Variants in HORMAD2 observed in about 807,000 individuals in gnomAD.
The protein encoded by HORMAD2 is HORMA domain containing 2, also known as HORMA domain-containing protein 2.
In HORMAD2, 45 loss-of-function variants were observed where a neutral mutation model predicts 38.8. The ratio of observed to expected loss-of-function variants is 1.16; its 90% CI spans 0.91 to 1.49. The LOEUF is 1.49. HORMAD2 is among the 40% of genes most tolerant of loss of function. The pLI is 0.00. For synonymous variants in HORMAD2, 126 were observed against 122.8 expected (o/e 1.03, Z -0.17); for missense variants, 338 against 367.0 (o/e 0.92, Z 0.65).
intron 10 of HORMAD2, among the ~76,000 whole-genome samples, chr22:30,154,694 A>T (rs1195059248): frequency 1.3e-5 from 2 of 152,142 alleles, no homozygotes; most frequent in Non-Finnish European, 2.9e-5. Flanking sequence ...AGAACAGGCC[A>T]CTTATTTTTT....
chr22:30,141,598 T>G (rs1924075555), intron 10 of HORMAD2, among the ~76,000 whole-genome samples: 1 of 147,406 alleles, frequency 6.8e-6, no homozygotes, highest in South Asian at 2.1e-4. Context: ...GAACATACTT[T>G]TTTTTTTTTT....
At chr22:30,114,500 A>G (rs549435349) in intron 7 of HORMAD2, among the ~76,000 whole-genome samples, 1 of 152,270 alleles carries the variant, frequency 6.6e-6, no homozygotes, top group East Asian at 1.9e-4. Context: ...CCCTGATCTC[A>G]TTCTCTTATG....
At chr22:30,204,349 G>A in the HORMAD2 span, among the ~76,000 whole-genome samples, 1 of 152,210 alleles carries the variant, frequency 6.6e-6, no homozygotes, top group Admixed American at 6.5e-5. Context: ...TTCACAGCCT[G>A]AGTCTTAGTT....
At chr22:30,192,367 G>C in the HORMAD2 span, 9 of 152,348 alleles carry the variant, frequency 5.9e-5, no homozygotes, top group African/African-American at 2.2e-4. Context: ...GTCAGGGTTT[G>C]TATACATAGA....
intron 1 of HORMAD2, chr22:30,081,323 G>A (rs373455012): frequency 6.6e-6 from 1 of 152,124 alleles, no homozygotes; most frequent in Non-Finnish European, 1.5e-5. Context: ...TAGTTGCCTC[G>A]TAGATGTTGA....
At position 30,119,174 on chromosome 22, in the gene HORMAD2, A is replaced by G. The variant is rs534794353; in HGVS notation, c.410+127A>G. 5.8e-5 allele frequency: 37 copies of G among 641,352 alleles called. No homozygotes were observed. In the South Asian group the frequency reaches 6.3e-4, roughly 11 times the overall value. 39.7% of individuals were successfully genotyped at this position (641,352 alleles called of 1,614,324 possible). On this transcript the variant is annotated intron_variant, in intron 8 of 10. Coordinates refer to ENST00000336726, the MANE Select transcript of HORMAD2 (RefSeq NM_152510.4). ...CCCACAAACCCTACAGAAAACCACT[A>G]TTATAAAAAGGGGCTGCAACAATTG...
intron 1 of HORMAD2, among the ~76,000 whole-genome samples, chr22:30,093,642 T>A (rs2068730759): frequency 6.6e-6 from 1 of 152,146 alleles, no homozygotes. Context: ...TTTGGAAAAT[T>A]AACAATAGGT....
intron 10 of HORMAD2, chr22:30,137,189 T>C: frequency 1.7e-6 from 1 of 582,486 alleles, no homozygotes; most frequent in Non-Finnish European, 3.2e-6. Flanking sequence ...ATTTTTGCCC[T>C]GAACATCTTC....
intron 10 of HORMAD2, among the ~76,000 whole-genome samples, chr22:30,134,806 T>C (rs1462797041): frequency 6.6e-6 from 1 of 151,904 alleles, no homozygotes; most frequent in Non-Finnish European, 1.5e-5. Flanking sequence ...CATAGGAGGG[T>C]AGTGTACACA....
intron 10 of HORMAD2, among the ~76,000 whole-genome samples, chr22:30,124,453 C>T (rs1162401561): frequency 6.6e-6 from 1 of 152,086 alleles, no homozygotes; most frequent in Non-Finnish European, 1.5e-5. Flanking sequence ...ATTGCTACTC[C>T]CTTAGAAGCC....
At chr22:30,197,178 G>T in the HORMAD2 span, among the ~76,000 whole-genome samples, 1 of 152,124 alleles carries the variant, frequency 6.6e-6, no homozygotes, top group South Asian at 2.1e-4. Context: ...GACAGGGTGG[G>T]GTTGGATGTG....
chr22:30,125,343 C>T (rs2146138503), intron 10 of HORMAD2, among the ~76,000 whole-genome samples: 1 of 150,284 alleles, frequency 6.7e-6, no homozygotes, highest in African/African-American at 2.4e-5. Context: ...ATTCTCCCGC[C>T]TCAGCCTCCT....
At chr22:30,187,239 A>G in the HORMAD2 span, among the ~76,000 whole-genome samples, 20 of 152,184 alleles carry the variant, frequency 1.3e-4, no homozygotes, top group Admixed American at 1.3e-3. Context: ...TAATTCCCAT[A>G]ACAACCCTTT....
intron 10 of HORMAD2, among the ~76,000 whole-genome samples, chr22:30,161,468 T>C (rs996995306): frequency 3.9e-5 from 6 of 152,356 alleles, no homozygotes; most frequent in Non-Finnish European, 8.8e-5. Flanking sequence ...GACACCATCA[T>C]GTCATTGCCT....
chr22:30,159,959 C>G (rs1925341011), intron 10 of HORMAD2, among the ~76,000 whole-genome samples: 1 of 152,146 alleles, frequency 6.6e-6, no homozygotes, highest in Admixed American at 6.5e-5. Context: ...TGTGTGCACT[C>G]TGAAAAGAAG....
intron 10 of HORMAD2, among the ~76,000 whole-genome samples, chr22:30,156,186 G>C (rs1386105832): frequency 6.6e-6 from 1 of 152,166 alleles, no homozygotes; most frequent in Non-Finnish European, 1.5e-5. Context: ...TGCCCCACCT[G>C]ACATTGGCTT....
At chr22:30,096,415 T>A (rs934255303) in intron 2 of HORMAD2, among the ~76,000 whole-genome samples, 1 of 152,134 alleles carries the variant, frequency 6.6e-6, no homozygotes, top group Admixed American at 6.6e-5. Flanking sequence ...TAGGAGTTTT[T>A]ATTATTCTAC....
rs778601666 is a variant in HORMAD2 at position 30,098,890 on chromosome 22, G to A, written c.90G>A (p.Glu30=). ...VFPSQITNEH[E]SLKMVKKLFA... ...CATCCCAAATCACTAATGAGCATGA[G>A]TCATTGAAAATGGTGAAGAAACTTT... Residue 30 remains glutamate (E), a synonymous_variant, in exon 3 of 11, where the codon GAG becomes GAA. Coordinates refer to ENST00000336726, the MANE Select transcript of HORMAD2 (RefSeq NM_152510.4). 2.5e-6 allele frequency: 4 copies of A among 1,613,536 alleles called. No homozygotes were observed. The Admixed American group carries it at 6.7e-5, about 27-fold the overall frequency.
intron 10 of HORMAD2, chr22:30,137,410 C>T: frequency 2.2e-6 from 1 of 444,880 alleles, no homozygotes; most frequent in Non-Finnish European, 4.4e-6. Context: ...GTATTTGAGC[C>T]CAGGAGGTCA....
Sources: gnomAD v4.1 joint callset for allele counts (sites outside exome capture counted in the v4.1 genomes callset) on GRCh38, gnomAD v4.1.1 for gene constraint, MANE v1.5 for transcripts, NCBI Gene and HGNC (gene_info 2026-07-23, HGNC 2026-07-21) for gene names.